The following PCNX1 variants were observed in gnomAD, a reference collection of about 807,000 sequenced individuals.
PCNX1 encodes pecanex-like protein 1.
A neutral mutation model predicts 242.2 loss-of-function variants in PCNX1; 78 were observed. The ratio of observed to expected loss-of-function variants is 0.32; its 90% CI spans 0.27 to 0.39. PCNX1 has a LOEUF of 0.39. Ranked by LOEUF, PCNX1 falls within the 10% of genes least tolerant of loss-of-function variation. PCNX1 has a pLI of 1.00. For missense variants in PCNX1, 2,581 were observed against 2,856.5 expected, an observed-to-expected ratio of 0.90 and a Z score of 2.20; for synonymous variants, 1,024 against 1,032.9, an observed-to-expected ratio of 0.99 and a Z score of 0.17.
At chr14:71,056,350 G>T (rs895617924) in intron 25 of PCNX1, among the ~76,000 whole-genome samples, 1 of 152,126 alleles carries the variant, frequency 6.6e-6, no homozygotes, top group Non-Finnish European at 1.5e-5. Flanking sequence ...TTCAGCTCTG[G>T]TATGTGCTTG....
intron 3 of PCNX1, among the ~76,000 whole-genome samples, chr14:70,965,720 A>G (rs186313488): frequency 6.6e-6 from 1 of 152,086 alleles, no homozygotes; most frequent in East Asian, 1.9e-4. Flanking sequence ...ATGGTAGAGA[A>G]GAAGAGCTAA....
chr14:71,097,197 CT>C (rs2062313427), intron 30 of PCNX1, among the ~76,000 whole-genome samples: 1 of 152,082 alleles, frequency 6.6e-6, no homozygotes, highest in African/African-American at 2.4e-5. Flanking sequence ...ACCTCATTTC[CT>C]TTATCCAATT....
At chr14:71,056,374 T>G (rs2061182333) in intron 25 of PCNX1, among the ~76,000 whole-genome samples, 1 of 152,188 alleles carries the variant, frequency 6.6e-6, no homozygotes, top group African/African-American at 2.4e-5. Context: ...AGGGCTAGAT[T>G]TCTCATGCTG....
intron 1 of PCNX1, among the ~76,000 whole-genome samples, chr14:70,910,229 T>TCCTCCTCTTCCTCCTCCTC (rs1375541677): frequency 1.4e-5 from 1 of 69,488 alleles, no homozygotes; most frequent in Non-Finnish European, 3.2e-5. Context: ...CTCCTCCTCC[T>TCCTCCTCTTCCTCCTCCTC]CTCACCAGCA....
chr14:70,944,838 T>C (rs1238671344), intron 1 of PCNX1, among the ~76,000 whole-genome samples: 1 of 152,240 alleles, frequency 6.6e-6, no homozygotes, highest in Admixed American at 6.5e-5. Flanking sequence ...CTGATGGTTT[T>C]ATAAGGGGCT....
chr14:71,003,430 T>C (rs1169648923), intron 8 of PCNX1, among the ~76,000 whole-genome samples: 1 of 152,180 alleles, frequency 6.6e-6, no homozygotes, highest in Admixed American at 6.5e-5. Context: ...ATGAGTTCTT[T>C]TGATATTTTA....
intron 28 of PCNX1, among the ~76,000 whole-genome samples, chr14:71,077,311 C>T (rs765811864): frequency 6.6e-6 from 1 of 152,186 alleles, no homozygotes; most frequent in Non-Finnish European, 1.5e-5. Flanking sequence ...TTCCTACCAC[C>T]ACTGCTGCTT....
intron 28 of PCNX1, among the ~76,000 whole-genome samples, chr14:71,086,251 G>C (rs1047691297): frequency 1.3e-5 from 2 of 152,148 alleles, no homozygotes; most frequent in African/African-American, 4.8e-5. Context: ...AGTTAAAATA[G>C]TTGTTTTAAT....
chr14:70,979,777 G>T (rs8005160), intron 6 of PCNX1, among the ~76,000 whole-genome samples: 84,279 of 151,542 alleles, frequency 0.56, 24,812 homozygotes, highest in East Asian at 0.73. Flanking sequence ...AGATTTTTTT[G>T]GGGGTCAAGT....
intron 3 of PCNX1, among the ~76,000 whole-genome samples, chr14:70,964,801 A>G (rs984953124): frequency 2.0e-5 from 3 of 152,164 alleles, no homozygotes; most frequent in Admixed American, 2.0e-4. Flanking sequence ...CTTTTACTTA[A>G]TAACTTTTTA....
At chr14:70,951,653 G>A (rs1595018009) in intron 2 of PCNX1, among the ~76,000 whole-genome samples, 2 of 152,242 alleles carry the variant, frequency 1.3e-5, no homozygotes, top group Middle Eastern at 3.4e-3. Flanking sequence ...AGGATTACAG[G>A]TATGAGCCAC....
At chr14:71,069,363 C>A (rs911585584) in intron 26 of PCNX1, among the ~76,000 whole-genome samples, 8 of 152,168 alleles carry the variant, frequency 5.3e-5, no homozygotes, top group Admixed American at 1.3e-4. Flanking sequence ...TAATAGAATT[C>A]TATTTTAAAA....
intron 32 of PCNX1, 40 bp from the exon 33 acceptor site, chr14:71,105,195 A>G (rs1179524631): frequency 6.8e-7 from 1 of 1,470,772 alleles, no homozygotes; most frequent in Non-Finnish European, 9.5e-7. Context: ...TTTTGAAGTG[A>G]TCTTGGAATA....
intron 16 of PCNX1, among the ~76,000 whole-genome samples, chr14:71,029,036 T>C (rs1014077373): frequency 6.6e-6 from 1 of 152,108 alleles, no homozygotes; most frequent in Non-Finnish European, 1.5e-5. Context: ...AGAAACAGAT[T>C]ATTGAAAACT....
intron 5 of PCNX1, among the ~76,000 whole-genome samples, chr14:70,976,530 G>A (rs974206827): frequency 2.0e-5 from 3 of 151,864 alleles, no homozygotes; most frequent in African/African-American, 4.8e-5. Flanking sequence ...TCGCCACCAC[G>A]CCCGGCTAAT....
chr14:71,045,070 T>G, intron 19 of PCNX1, 63 bp from the exon 20 acceptor site: 4 of 1,223,184 alleles, frequency 3.3e-6, no homozygotes, highest in Non-Finnish European at 4.5e-6. Context: ...ACTGACAAAT[T>G]AGAATTTCTA....
intron 8 of PCNX1, among the ~76,000 whole-genome samples, chr14:71,005,001 A>C (rs1595208395): frequency 6.6e-6 from 1 of 152,168 alleles, no homozygotes; most frequent in African/African-American, 2.4e-5. Context: ...AAGTCAGTGT[A>C]GACAGTGCAT....
Position 70,978,025 on chromosome 14 carries a change from G to A in PCNX1, c.1688G>A (p.Arg563His), listed in dbSNP as rs768563638. Residue 563 changes from arginine to histidine, a missense_variant, in exon 6 of 36, where the codon CGC (arginine) becomes CAC (histidine). Physicochemically the swap from Arg to His is conservative, Grantham distance 29. Transcript: ENST00000304743. Reference protein sequence around the residue: ...TASAHKSGRRRTGKKRASSFD... With the variant: ...TASAHKSGRRHTGKKRASSFD... ...TCTGCCCACAAGTCAGGCAGGAGAC[G>A]CACAGGAAAAAAACGGGCTAGCAGT... 3.8e-5 allele frequency: 62 copies of A among 1,613,926 alleles called. No individual in the cohort carries two copies. Among genetic ancestry groups the A allele is most frequent in the Non-Finnish European group, 4.7e-5 (56 of 1,180,010 alleles).
chr14:71,105,859 T>A (rs1157186148), intron 33 of PCNX1, among the ~76,000 whole-genome samples: 9 of 149,336 alleles, frequency 6.0e-5, no homozygotes, highest in South Asian at 2.1e-4. Flanking sequence ...TAATTTTTTT[T>A]ATTCCAAGTT....
Sources: allele counts gnomAD v4.1 joint callset (sites outside exome capture counted in the v4.1 genomes callset), GRCh38; gene constraint gnomAD v4.1.1; transcripts MANE v1.5; gene names NCBI Gene and HGNC (gene_info 2026-07-23, HGNC 2026-07-21).